Variants in LRP1B observed in about 807,000 individuals in gnomAD.
LRP1B encodes the protein low-density lipoprotein receptor-related protein 1B.
LRP1B carries 217 observed loss-of-function variants against 556.6 expected under a neutral mutation model. That is an observed-to-expected ratio of 0.39 (90% CI 0.35 to 0.44). LRP1B has a LOEUF of 0.44. LRP1B is among the 20% of genes least tolerant of loss of function. The pLI is 1.00. For missense variants in LRP1B, 5,053 were observed against 5,620.8 expected, an observed-to-expected ratio of 0.90 and a Z score of 3.23; for synonymous variants, 2,047 against 1,865.8, an observed-to-expected ratio of 1.10 and a Z score of -2.50.
At position 140,818,923 on chromosome 2, in the gene LRP1B, C is replaced by T. The variant is rs564668947; in HGVS notation, c.5210-5117G>A. ...CTGCACTCCAGCCTGGGCAACAGAG[C>T]GAGACTCTGTCTCAAAAAAAAAAAA... On this transcript the variant is annotated intron_variant, in intron 31 of 90. Transcript: ENST00000389484. 4.1e-3 allele frequency among the ~76,000 whole-genome samples: 482 copies of T among 118,504 alleles called. 5 individuals are homozygous for T. The highest frequency in any genetic ancestry group is 0.015 in the African/African-American group (459 of 30,100). The allele number at this position is 118,504 out of a possible 152,430, so 77.7% of individuals were successfully genotyped here. A position where few individuals can be genotyped will look rare whatever the true frequency, so the allele number is the denominator to read the frequency against.
chr2:140,788,104 T>C (rs556618387), intron 32 of LRP1B, among the ~76,000 whole-genome samples: 183 of 152,310 alleles, frequency 1.2e-3, no homozygotes, highest in African/African-American at 4.2e-3. Flanking sequence ...AGTCCTCTAA[T>C]ATGTAAAATG....
chr2:140,749,802 T>A (rs193134646), intron 35 of LRP1B, among the ~76,000 whole-genome samples: 1 of 152,178 alleles, frequency 6.6e-6, no homozygotes, highest in Non-Finnish European at 1.5e-5. Context: ...ACCAGTAACA[T>A]AACCCATCAT....
intron 7 of LRP1B, among the ~76,000 whole-genome samples, chr2:141,095,100 T>C (rs768414490): frequency 1.4e-4 from 22 of 152,122 alleles, no homozygotes; most frequent in Admixed American, 2.0e-4. Flanking sequence ...CTGTGCTTTT[T>C]ATCTCATGAT....
intron 2 of LRP1B, among the ~76,000 whole-genome samples, chr2:141,516,010 T>C (rs1390992175): frequency 6.6e-6 from 1 of 152,226 alleles, no homozygotes; most frequent in Non-Finnish European, 1.5e-5. Context: ...ATCAAGGCTT[T>C]GTTAATACAG....
chr2:140,402,180 T>A (rs1484749896), intron 66 of LRP1B, among the ~76,000 whole-genome samples: 1 of 152,076 alleles, frequency 6.6e-6, no homozygotes, highest in Non-Finnish European at 1.5e-5. Flanking sequence ...GAGAACCACA[T>A]CAAGGGAACA....
rs914549636 is a variant in LRP1B at position 141,826,356 on chromosome 2, T to A, written c.83-15955A>T. Reference sequence around the variant, plus strand: ...TGACTTTTCCATACTTTTCAGAAGTTTTTTTTTTTTTTTTTTTTTTTGAGA... The same window carrying A: ...TGACTTTTCCATACTTTTCAGAAGTATTTTTTTTTTTTTTTTTTTTTGAGA... On this transcript the variant is annotated intron_variant, in intron 1 of 90. Transcript: ENST00000389484. Among the ~76,000 whole-genome samples, 165 of 17,144 alleles carry A rather than the reference T, an allele frequency of 9.6e-3. 1 individual carries two copies. The highest frequency in any genetic ancestry group is 0.024 in the African/African-American group (158 of 6,636). The allele number at this position is 17,144 out of a possible 152,430, so 11.2% of individuals were successfully genotyped here.
At chr2:141,912,914 T>A (rs1310175354) in intron 1 of LRP1B, among the ~76,000 whole-genome samples, 1 of 152,220 alleles carries the variant, frequency 6.6e-6, no homozygotes, top group East Asian at 1.9e-4. Context: ...GATACATGTT[T>A]AACTCTATGT....
intron 2 of LRP1B, among the ~76,000 whole-genome samples, chr2:141,551,490 T>C (rs7608026): frequency 0.35 from 52,714 of 151,898 alleles, 9,986 homozygotes; most frequent in Non-Finnish European, 0.43. Flanking sequence ...AATTTTTTTA[T>C]TGACCTCTTT....
intron 1 of LRP1B, among the ~76,000 whole-genome samples, chr2:141,840,362 C>T (rs1220543914): frequency 1.4e-5 from 2 of 141,662 alleles, no homozygotes; most frequent in Non-Finnish European, 3.0e-5. Flanking sequence ...CTCCCGGGTT[C>T]ACGCCATTCT....
At chr2:141,832,117 A>G (rs922854374) in intron 1 of LRP1B, among the ~76,000 whole-genome samples, 1 of 151,688 alleles carries the variant, frequency 6.6e-6, no homozygotes, top group Admixed American at 6.6e-5. Context: ...CATTCTTTAT[A>G]CAAGAAATAA....
chr2:141,996,905 AAAT>A (rs1165829559), intron 1 of LRP1B, among the ~76,000 whole-genome samples: 9 of 152,178 alleles, frequency 5.9e-5, no homozygotes, highest in Admixed American at 5.2e-4. Flanking sequence ...CTTGACTCAT[AAAT>A]AATTGTTTTT....
rs1461861485 is a variant in LRP1B, at chr2:140,850,318, A to T, written c.4723T>A (p.Phe1575Ile). The T allele has an allele frequency of 2.5e-6, 4 of 1,585,606 alleles. No homozygotes were observed. The highest frequency in any genetic ancestry group is 3.4e-6 in the Non-Finnish European group (4 of 1,162,954). Residue 1575 changes from phenylalanine to isoleucine, a missense_variant, in exon 29 of 91, where the codon TTT (phenylalanine) becomes ATT (isoleucine). Phe to Ile is a conservative substitution (Grantham distance 21, BLOSUM62 0). Coordinates refer to ENST00000389484, the MANE Select transcript of LRP1B (RefSeq NM_018557.3). ...TCAGAACGTCTTGCATAAAGAAGAA[A>T]TTTTTTCATTTCTAAAAAAGAAATA... ...DKKTCYEMKK[F>I]LLYARRSEIR...
chr2:141,162,145 T>C lies in LRP1B; in HGVS notation c.1013+26276A>G, dbSNP rs372027303. ...TCCCCAGGTTGCCACTGGTCCAGAA[T>C]GAGGATGAGAGGATTACAACTTAAA... On this transcript the variant is annotated intron_variant, in intron 7 of 90. Coordinates refer to ENST00000389484, the MANE Select transcript of LRP1B (RefSeq NM_018557.3). Among the ~76,000 whole-genome samples, 31 of 152,208 alleles carry C rather than the reference T, an allele frequency of 2.0e-4. No homozygotes were observed. The East Asian group carries it at 3.1e-3, about 15-fold the overall frequency.
chr2:140,597,311 T>A (rs2105184529), intron 43 of LRP1B, among the ~76,000 whole-genome samples: 1 of 152,304 alleles, frequency 6.6e-6, no homozygotes, highest in East Asian at 1.9e-4. Flanking sequence ...GACCACTTAC[T>A]GTAGCTATAA....
intron 6 of LRP1B, chr2:141,208,024 C>G (rs1682360726): frequency 6.6e-6 from 1 of 152,202 alleles, no homozygotes; most frequent in Admixed American, 6.5e-5. Context: ...GAAAATTAGA[C>G]TCATAGTTGG....
intron 6 of LRP1B, among the ~76,000 whole-genome samples, chr2:141,211,340 G>A (rs1319855256): frequency 6.6e-6 from 1 of 151,666 alleles, no homozygotes; most frequent in Non-Finnish European, 1.5e-5. Flanking sequence ...AAGCATTCAG[G>A]GCCGGGCACG....
intron 23 of LRP1B, among the ~76,000 whole-genome samples, chr2:140,889,744 T>C (rs967366400): frequency 2.6e-5 from 4 of 152,082 alleles, no homozygotes; most frequent in Non-Finnish European, 5.9e-5. Context: ...AGCTCGTAAG[T>C]GGAGGAGAAG....
intron 1 of LRP1B, among the ~76,000 whole-genome samples, chr2:141,876,397 G>C (rs972800510): frequency 6.6e-6 from 1 of 152,066 alleles, no homozygotes; most frequent in Non-Finnish European, 1.5e-5. Flanking sequence ...TCTAGGACTG[G>C]AGGAGGGTGA....
intron 1 of LRP1B, among the ~76,000 whole-genome samples, chr2:142,116,162 C>T (rs558016107): frequency 7.9e-6 from 1 of 126,852 alleles, no homozygotes; most frequent in South Asian, 2.5e-4. Context: ...CACTGAACTC[C>T]AGCCTGGGTG....
Sources: gnomAD v4.1 joint callset for allele counts (sites outside exome capture counted in the v4.1 genomes callset) on GRCh38, gnomAD v4.1.1 for gene constraint, MANE v1.5 for transcripts, NCBI Gene and HGNC (gene_info 2026-07-23, HGNC 2026-07-21) for gene names.